Variants in GLIS3 observed in about 807,000 individuals in gnomAD.
GLIS3 encodes GLIS family zinc finger 3.
GLIS3 carries 53 observed loss-of-function variants against 78.6 expected under a neutral mutation model. That is an observed-to-expected ratio of 0.67 (90% CI 0.54 to 0.85). The LOEUF (loss-of-function observed/expected upper bound fraction) is 0.85, where lower values mean the gene tolerates loss of function less well. Among genes scored for constraint, GLIS3 ranks in the 40% least tolerant of loss-of-function variants. GLIS3 has a pLI of 0.00. For synonymous variants in GLIS3, 684 were observed against 509.9 expected (o/e 1.34, Z -4.60); for missense variants, 1,703 against 1,231.1 (o/e 1.38, Z -5.74).
chr9:4,288,739 G>A (rs117445974), intron 1 of GLIS3, among the ~76,000 whole-genome samples: 5,443 of 33,978 alleles, frequency 0.16, 242 homozygotes, highest in Admixed American at 0.35. Flanking sequence ...TAGGTTGAAA[G>A]TAAAAACAAC....
At chr9:4,455,752 C>A in the GLIS3 span, among the ~76,000 whole-genome samples, 2 of 151,906 alleles carry the variant, frequency 1.3e-5, no homozygotes, top group Non-Finnish European at 2.9e-5. Context: ...AGGTTCGGTC[C>A]CAGAATAAAA....
intron 1 of GLIS3, among the ~76,000 whole-genome samples, chr9:4,287,849 A>T (rs1017967185): frequency 3.9e-5 from 6 of 152,278 alleles, no homozygotes; most frequent in African/African-American, 1.4e-4. Context: ...TGCCTTCTGC[A>T]AAGTTTGCTG....
chr9:3,975,187 G>A (rs1008941173), intron 4 of GLIS3: 2 of 152,072 alleles, frequency 1.3e-5, no homozygotes, highest in Middle Eastern at 3.2e-3. Context: ...AAATCTTCTT[G>A]GCTGATGGAG....
At chr9:4,106,564 C>T (rs1451065385) in intron 4 of GLIS3, among the ~76,000 whole-genome samples, 1 of 152,020 alleles carries the variant, frequency 6.6e-6, no homozygotes, top group East Asian at 1.9e-4. Context: ...GGAAATGGAC[C>T]AAAAGTGTCC....
rs116256047 is a variant in GLIS3 at position 3,976,004 on chromosome 9, G to A, written c.1711-38815C>T. Among the ~76,000 whole-genome samples, 1,052 of 152,178 alleles carry A rather than the reference G, an allele frequency of 6.9e-3. 4 individuals are homozygous for A. Among genetic ancestry groups the A allele is most frequent in the Non-Finnish European group, 7.2e-3 (491 of 68,000 alleles). On this transcript the variant is annotated intron_variant, in intron 4 of 10. Transcript: ENST00000381971. ...GATCAGCAGCCAATCAGGTCCTGGC[G>A]GGCCATATGTGTATTTATAAATATA... is the stretch of plus-strand genomic sequence containing the variant.
chr9:3,893,389 A>G (rs1446918375), intron 7 of GLIS3, among the ~76,000 whole-genome samples: 1 of 152,222 alleles, frequency 6.6e-6, no homozygotes, highest in Non-Finnish European at 1.5e-5. Flanking sequence ...AGGCATTAAC[A>G]TTAACTGCAA....
chr9:4,416,252 T>TTTTAAA, the GLIS3 span, among the ~76,000 whole-genome samples: 276 of 75,782 alleles, frequency 3.6e-3, 15 homozygotes, highest in African/African-American at 8.8e-3. Context: ...ACACTGTTTT[T>TTTTAAA]AAAAAAAAAA....
At chr9:4,170,109 A>G (rs1227247659) in intron 2 of GLIS3, among the ~76,000 whole-genome samples, 2 of 152,182 alleles carry the variant, frequency 1.3e-5, no homozygotes, top group African/African-American at 4.8e-5. Context: ...ACTAGTACAC[A>G]TGATTCCTGC....
At chr9:4,271,296 G>C (rs956506857) in intron 2 of GLIS3, among the ~76,000 whole-genome samples, 4 of 152,268 alleles carry the variant, frequency 2.6e-5, no homozygotes, top group East Asian at 1.9e-4. Flanking sequence ...TATGTTATCA[G>C]CAAGGCTTTG....
intron 4 of GLIS3, among the ~76,000 whole-genome samples, chr9:4,069,229 T>C (rs1251807994): frequency 6.6e-6 from 1 of 152,178 alleles, no homozygotes; most frequent in Non-Finnish European, 1.5e-5. Context: ...ATTAATTGGC[T>C]ACTTTGTCTT....
intron 2 of GLIS3, among the ~76,000 whole-genome samples, chr9:4,256,587 C>G (rs1298459140): frequency 6.6e-6 from 1 of 152,120 alleles, no homozygotes; most frequent in Non-Finnish European, 1.5e-5. Flanking sequence ...TATTAAACAT[C>G]AGGCCTATTG....
At chr9:4,405,644 C>T in the GLIS3 span, among the ~76,000 whole-genome samples, 3 of 151,948 alleles carry the variant, frequency 2.0e-5, no homozygotes, top group Admixed American at 2.0e-4. Flanking sequence ...CACTACCAAG[C>T]ATTTAAAGAA....
In GLIS3 at chr9:4,217,082, C is replaced by T. The variant is rs115396642; in HGVS notation, c.388+68956G>A. Among the ~76,000 whole-genome samples, 1,057 of 152,202 alleles carry T rather than the reference C, an allele frequency of 6.9e-3. 16 individuals carry two copies. The highest frequency in any genetic ancestry group is 0.023 in the African/African-American group (972 of 41,528). On this transcript the variant is annotated intron_variant, in intron 2 of 10. Coordinates refer to ENST00000381971, the MANE Select transcript of GLIS3 (RefSeq NM_001042413.2). ...TAACTCCAGTTTGTATTTGTCAGCC[C>T]CTTCTGTGATTTCTCCCATGCCCAA...
chr9:4,076,971 A>T (rs1447323541), intron 4 of GLIS3, among the ~76,000 whole-genome samples: 3 of 152,174 alleles, frequency 2.0e-5, no homozygotes, highest in African/African-American at 4.8e-5. Context: ...AGGTGGGAGG[A>T]TGGCTTGAGC....
chr9:4,209,114 T>A (rs7034250), intron 2 of GLIS3, among the ~76,000 whole-genome samples: 2 of 151,916 alleles, frequency 1.3e-5, no homozygotes, highest in African/African-American at 4.8e-5. Flanking sequence ...AGTCCTAAGA[T>A]TTTCTTCCTG....
chr9:4,254,496 C>A (rs974682521), intron 2 of GLIS3, among the ~76,000 whole-genome samples: 12 of 152,098 alleles, frequency 7.9e-5, no homozygotes, highest in Admixed American at 3.3e-4. Context: ...ACAAAATGTG[C>A]CAAAGTTTAT....
chr9:4,245,996 C>T (rs1394572338), intron 2 of GLIS3, among the ~76,000 whole-genome samples: 4 of 152,130 alleles, frequency 2.6e-5, no homozygotes, highest in Non-Finnish European at 5.9e-5. Flanking sequence ...TGTGTTTCTA[C>T]CTCCTCTATC....
intron 2 of GLIS3, among the ~76,000 whole-genome samples, chr9:4,166,370 G>A (rs1034961321): frequency 2.6e-5 from 4 of 152,178 alleles, no homozygotes; most frequent in Non-Finnish European, 5.9e-5. Context: ...CCAAGAACCA[G>A]TAAGGACAAG....
chr9:3,917,920 A>C (rs1383096320), intron 6 of GLIS3, among the ~76,000 whole-genome samples: 1 of 152,232 alleles, frequency 6.6e-6, no homozygotes, highest in African/African-American at 2.4e-5. Flanking sequence ...AGATAATCCT[A>C]TAACTGAAAA....
Sources: gnomAD v4.1 joint callset for allele counts (sites outside exome capture counted in the v4.1 genomes callset) on GRCh38, gnomAD v4.1.1 for gene constraint, MANE v1.5 for transcripts, NCBI Gene and HGNC (gene_info 2026-07-23, HGNC 2026-07-21) for gene names.